The following ANKS1B variants were observed in gnomAD, a reference collection of about 807,000 sequenced individuals.
ANKS1B encodes the protein ankyrin repeat and sterile alpha motif domain containing 1B.
In ANKS1B, 36 loss-of-function variants were observed where a neutral mutation model predicts 148.3. The observed-to-expected ratio is 0.24, with a 90% CI of 0.19 to 0.32. The LOEUF (loss-of-function observed/expected upper bound fraction) is 0.32, where lower values mean the gene tolerates loss of function less well. ANKS1B is among the 10% of genes least tolerant of loss of function. ANKS1B has a pLI of 1.00. For synonymous variants in ANKS1B, 542 were observed against 560.8 expected (o/e 0.97, Z 0.47); for missense variants, 1,157 against 1,542.6 (o/e 0.75, Z 4.19).
chr12:99,676,537 A>T (rs190185934), intron 8 of ANKS1B, among the ~76,000 whole-genome samples: 254 of 152,348 alleles, frequency 1.7e-3, no homozygotes, highest in African/African-American at 5.8e-3. Context: ...CAAATTACAG[A>T]ATTTTCCTAT....
chr12:99,447,163 A>G (rs2095649655), intron 10 of ANKS1B, among the ~76,000 whole-genome samples: 1 of 152,216 alleles, frequency 6.6e-6, no homozygotes, highest in South Asian at 2.1e-4. Flanking sequence ...CCAGAAATAA[A>G]TACACATATT....
At chr12:99,776,682 G>C (rs2063681286) in intron 6 of ANKS1B, among the ~76,000 whole-genome samples, 1 of 122,756 alleles carries the variant, frequency 8.1e-6, no homozygotes, top group Non-Finnish European at 1.7e-5. Flanking sequence ...GTTTCTTTTT[G>C]GTTGTTTGTT....
At chr12:99,808,870 A>G (rs1457387114) in intron 3 of ANKS1B, among the ~76,000 whole-genome samples, 1 of 152,128 alleles carries the variant, frequency 6.6e-6, no homozygotes, top group Non-Finnish European at 1.5e-5. Context: ...AGCAAAATCG[A>G]AAAATTTTCT....
chr12:98,784,059 G>T (rs1227599387), intron 22 of ANKS1B, among the ~76,000 whole-genome samples: 1 of 152,174 alleles, frequency 6.6e-6, no homozygotes, highest in Non-Finnish European at 1.5e-5. Flanking sequence ...ATGGGTGGGA[G>T]GATTCCACAG....
chr12:99,399,824 A>G lies in ANKS1B; in HGVS notation c.1576-13T>C. On this transcript the variant is annotated splice_polypyrimidine_tract_variant and intron_variant, in intron 11 of 26. Coordinates refer to ENST00000683438, the MANE Select transcript of ANKS1B (RefSeq NM_001352186.2). ...TTCGCTGTTTAGGCTAAAATAAATG[A>G]GCATGACGAGAGTATTAATATGATC... 1 of 1,612,640 alleles carries G rather than the reference A, an allele frequency of 6.2e-7. No homozygotes were observed. The highest frequency in any genetic ancestry group is 8.5e-7 in the Non-Finnish European group (1 of 1,178,802).
At chr12:99,666,854 T>TG (rs34364839) in intron 8 of ANKS1B, among the ~76,000 whole-genome samples, 2 of 118,862 alleles carry the variant, frequency 1.7e-5, no homozygotes, top group Non-Finnish European at 3.4e-5. Context: ...ATAGTTACTA[T>TG]GGGGTGTGTG....
At chr12:99,550,416 G>A (rs1323887310) in intron 9 of ANKS1B, among the ~76,000 whole-genome samples, 1 of 152,040 alleles carries the variant, frequency 6.6e-6, no homozygotes, top group Non-Finnish European at 1.5e-5. Context: ...TTGAGGTCAG[G>A]AGTTCAAGAC....
In ANKS1B at chr12:99,748,414, G is replaced by T. The variant is rs1793101269; in HGVS notation, c.1128+24508C>A. Among the ~76,000 whole-genome samples the T allele has an allele frequency of 2.1e-5, 3 of 139,788 alleles. No homozygotes were observed. In the Middle Eastern group the frequency reaches 0.011, roughly 518 times the overall value. 91.7% of individuals were successfully genotyped at this position (139,788 alleles called of 152,430 possible). ...AATTGGCTTGAGAACTATCTGAAGA[G>T]ATTTTTTTTTTTAGATTTTCAGAAA... On this transcript the variant is annotated intron_variant, in intron 8 of 26. Transcript: ENST00000683438.
chr12:99,038,500 T>A (rs772807922), intron 17 of ANKS1B, among the ~76,000 whole-genome samples: 1 of 152,066 alleles, frequency 6.6e-6, no homozygotes, highest in Non-Finnish European at 1.5e-5. Flanking sequence ...ATGACCTCCA[T>A]CCCCATTCCC....
At chr12:98,782,533 C>T (rs932018971) in intron 22 of ANKS1B, among the ~76,000 whole-genome samples, 8 of 152,168 alleles carry the variant, frequency 5.3e-5, no homozygotes, top group African/African-American at 1.9e-4. Flanking sequence ...TTCTGGAATG[C>T]AGCCAGAATT....
At chr12:99,765,415 TA>T (rs2062556103) in intron 8 of ANKS1B, among the ~76,000 whole-genome samples, 1 of 152,172 alleles carries the variant, frequency 6.6e-6, no homozygotes, top group Admixed American at 6.6e-5. Flanking sequence ...CTATATACCC[TA>T]AAACTTTTGT....
Position 98,752,918 on chromosome 12 carries a change from CA to C in ANKS1B, c.3580-1397del, listed in dbSNP as rs535741505. Reference sequence around the variant, plus strand: ...TCAGTGAACATCTACGAAACACAATCAAAATCTAATTTAGGCCTAGAGGAGA... The same window carrying C: ...TCAGTGAACATCTACGAAACACAATCAAATCTAATTTAGGCCTAGAGGAGA... On this transcript the variant is annotated intron_variant, in intron 25 of 26. Coordinates refer to ENST00000683438, the MANE Select transcript of ANKS1B (RefSeq NM_001352186.2). Among the ~76,000 whole-genome samples, 19 of 152,288 alleles carry C rather than the reference CA, an allele frequency of 1.2e-4. No individual in the cohort carries two copies. The South Asian group carries it at 3.9e-3, about 32-fold the overall frequency.
chr12:99,438,876 TAAGAAA>T (rs750773400), intron 11 of ANKS1B, among the ~76,000 whole-genome samples: 13 of 150,802 alleles, frequency 8.6e-5, no homozygotes, highest in Non-Finnish European at 1.9e-4. Context: ...GTCACAGCAA[TAAGAAA>T]AAGAAATAAA....
At chr12:99,328,884 C>G (rs904112500) in intron 12 of ANKS1B, among the ~76,000 whole-genome samples, 7 of 151,506 alleles carry the variant, frequency 4.6e-5, no homozygotes, top group African/African-American at 1.7e-4. Flanking sequence ...AAGTAGAGAT[C>G]TGAAAGATAT....
chr12:98,874,052 C>T (rs1174047924), intron 17 of ANKS1B, among the ~76,000 whole-genome samples: 4 of 152,114 alleles, frequency 2.6e-5, no homozygotes, highest in African/African-American at 9.7e-5. Context: ...TATCTGTCTG[C>T]CTCTTTTCAC....
At chr12:99,258,929 A>G (rs553961969) in intron 12 of ANKS1B, among the ~76,000 whole-genome samples, 1 of 152,330 alleles carries the variant, frequency 6.6e-6, no homozygotes, top group South Asian at 2.1e-4. Context: ...GGTAAGGGGA[A>G]CCACCAATAG....
chr12:98,907,865 C>T (rs967096115), intron 17 of ANKS1B, among the ~76,000 whole-genome samples: 2 of 152,168 alleles, frequency 1.3e-5, no homozygotes, highest in Admixed American at 6.5e-5. Flanking sequence ...TTTTGCTTGG[C>T]TCTCATTCTT....
intron 9 of ANKS1B, among the ~76,000 whole-genome samples, chr12:99,558,533 G>A (rs1478136844): frequency 6.6e-6 from 1 of 152,152 alleles, no homozygotes; most frequent in Non-Finnish European, 1.5e-5. Context: ...AGTGGGTGAG[G>A]TTGTAGGTGG....
At chr12:98,847,030 A>G (rs1595367627) in intron 17 of ANKS1B, among the ~76,000 whole-genome samples, 1 of 152,180 alleles carries the variant, frequency 6.6e-6, no homozygotes, top group Non-Finnish European at 1.5e-5. Context: ...TCAAACCATC[A>G]CCACCATCAA....
Sources: allele counts gnomAD v4.1 joint callset (sites outside exome capture counted in the v4.1 genomes callset), GRCh38; gene constraint gnomAD v4.1.1; transcripts MANE v1.5; gene names NCBI Gene and HGNC (gene_info 2026-07-23, HGNC 2026-07-21).